Variants in NCAM2 observed in about 807,000 individuals in gnomAD.
The protein encoded by NCAM2 is N-CAM-2.
A neutral mutation model predicts 98.1 loss-of-function variants in NCAM2; 30 were observed. The observed-to-expected ratio is 0.31, with a 90% confidence interval of 0.23 to 0.41. NCAM2 has a LOEUF of 0.41. Ranked by LOEUF, NCAM2 falls within the 10% of genes least tolerant of loss-of-function variation. The pLI is 1.00. For missense variants in NCAM2, 867 were observed against 1,005.8 expected, an observed-to-expected ratio of 0.86 and a Z score of 1.87; for synonymous variants, 368 against 342.4, an observed-to-expected ratio of 1.07 and a Z score of -0.83.
intron 1 of NCAM2, among the ~76,000 whole-genome samples, chr21:21,264,969 A>ATC (rs1272515721): frequency 7.7e-6 from 1 of 129,672 alleles, no homozygotes; most frequent in Non-Finnish European, 1.6e-5. Context: ...GTGTATATAT[A>ATC]CACATATATA....
intron 8 of NCAM2, among the ~76,000 whole-genome samples, chr21:21,368,234 T>G (rs2075833210): frequency 6.6e-6 from 1 of 151,970 alleles, no homozygotes; most frequent in South Asian, 2.1e-4. Flanking sequence ...GATAACATTT[T>G]ATACCTAAAG....
chr21:21,104,603 G>A (rs1437166825), intron 1 of NCAM2, among the ~76,000 whole-genome samples: 1 of 151,948 alleles, frequency 6.6e-6, no homozygotes, highest in Non-Finnish European at 1.5e-5. Context: ...TTCGAAGAGG[G>A]TGCATTTAAG....
rs148248108 is a variant in NCAM2, at chr21:21,292,802, C to G, written c.619+561C>G. The stretch of plus-strand genomic sequence containing the variant: ...ACAGTTATCTTGGCTGTCTCCTGTA[C>G]TAGCCCATTTTCACACTGCTATAAA... On this transcript the variant is annotated intron_variant, in intron 5 of 17. Coordinates refer to ENST00000400546, the MANE Select transcript of NCAM2 (RefSeq NM_004540.5). Among the ~76,000 whole-genome samples the G allele has an allele frequency of 2.0e-3, 301 of 151,932 alleles. 5 individuals are homozygous for G. The highest frequency in any genetic ancestry group is 5.5e-4 in the Non-Finnish European group (37 of 67,888).
intron 5 of NCAM2, among the ~76,000 whole-genome samples, chr21:21,302,894 T>C (rs529693108): frequency 6.6e-6 from 1 of 152,250 alleles, no homozygotes; most frequent in Admixed American, 6.5e-5. Context: ...ATGTATTACA[T>C]ATGCAACATG....
chr21:21,226,035 C>T (rs544446429), intron 1 of NCAM2, among the ~76,000 whole-genome samples: 4 of 152,064 alleles, frequency 2.6e-5, no homozygotes, highest in East Asian at 1.9e-4. Context: ...AGGCCATTTT[C>T]GTAAGCAAAT....
chr21:21,355,411 G>C (rs1300632688), intron 8 of NCAM2, among the ~76,000 whole-genome samples: 1 of 142,996 alleles, frequency 7.0e-6, no homozygotes, highest in South Asian at 2.3e-4. Flanking sequence ...GCAGGGAGCC[G>C]AGGTCCTGCC....
intron 1 of NCAM2, among the ~76,000 whole-genome samples, chr21:21,272,604 C>T (rs1226837703): frequency 6.6e-6 from 1 of 151,676 alleles, no homozygotes; most frequent in Non-Finnish European, 1.5e-5. Context: ...CTAGAGCAGC[C>T]TAGCAATGGG....
intron 15 of NCAM2, among the ~76,000 whole-genome samples, chr21:21,485,993 C>G (rs1473717402): frequency 6.6e-6 from 1 of 151,932 alleles, no homozygotes; most frequent in Non-Finnish European, 1.5e-5. Context: ...CAGAAGCAAC[C>G]CATCAACCGA....
At chr21:21,475,687 A>G (rs569538377) in intron 14 of NCAM2, among the ~76,000 whole-genome samples, 1 of 152,280 alleles carries the variant, frequency 6.6e-6, no homozygotes, top group South Asian at 2.1e-4. Context: ...ATAAAAACAG[A>G]TATTCCTGAG....
intron 1 of NCAM2, among the ~76,000 whole-genome samples, chr21:21,125,714 T>TGTAGAGAGAG (rs1555887736): frequency 7.4e-6 from 1 of 134,404 alleles, no homozygotes; most frequent in African/African-American, 2.7e-5. Context: ...TATATATATA[T>TGTAGAGAGAG]AGAGAGAGAG....
intron 1 of NCAM2, among the ~76,000 whole-genome samples, chr21:21,043,964 T>C (rs1196147570): frequency 6.6e-6 from 1 of 152,084 alleles, no homozygotes; most frequent in Non-Finnish European, 1.5e-5. Context: ...ACTGGAATAC[T>C]CCAAATCAAG....
intron 8 of NCAM2, among the ~76,000 whole-genome samples, chr21:21,365,463 G>C (rs767111023): frequency 2.6e-5 from 4 of 151,522 alleles, no homozygotes; most frequent in Non-Finnish European, 5.9e-5. Context: ...ATACATAAAG[G>C]AATACAAAAC....
chr21:21,056,475 G>A (rs73218302), intron 1 of NCAM2, among the ~76,000 whole-genome samples: 9,017 of 144,436 alleles, frequency 0.062, 287 homozygotes, highest in East Asian at 0.1. Flanking sequence ...TTTAGAGCAA[G>A]TGACAGAGAT....
intron 1 of NCAM2, among the ~76,000 whole-genome samples, chr21:21,167,733 A>G (rs1420094888): frequency 6.6e-6 from 1 of 152,202 alleles, no homozygotes; most frequent in African/African-American, 2.4e-5. Flanking sequence ...GAACACACCA[A>G]TTCCTTGAAT....
chr21:21,536,632 C>A (rs773455737), intron 17 of NCAM2, among the ~76,000 whole-genome samples: 1 of 152,016 alleles, frequency 6.6e-6, no homozygotes. Flanking sequence ...TCATGTGATC[C>A]GCCCGCCTTG....
chr21:21,017,493 T>A (rs2064337008), intron 1 of NCAM2, among the ~76,000 whole-genome samples: 2 of 148,284 alleles, frequency 1.3e-5, no homozygotes, highest in Non-Finnish European at 3.0e-5. Flanking sequence ...GGAGAAGTTG[T>A]AACTAAGAGT....
At chr21:21,489,672 T>A (rs866692630) in intron 15 of NCAM2, among the ~76,000 whole-genome samples, 1 of 152,290 alleles carries the variant, frequency 6.6e-6, no homozygotes, top group Middle Eastern at 3.4e-3. Context: ...CTACAAATTG[T>A]CTTTAAAATG....
At chr21:21,403,063 AT>A (rs1368000454) in intron 9 of NCAM2, among the ~76,000 whole-genome samples, 2 of 152,062 alleles carry the variant, frequency 1.3e-5, no homozygotes, top group Non-Finnish European at 2.9e-5. Flanking sequence ...GATGTGGAAC[AT>A]TTTTTAAAAT....
chr21:21,002,137 T>C (rs1055523875), intron 1 of NCAM2, among the ~76,000 whole-genome samples: 1 of 152,170 alleles, frequency 6.6e-6, no homozygotes, highest in Non-Finnish European at 1.5e-5. Context: ...AAGGCTAATG[T>C]AAATTAATAT....
Sources: allele counts gnomAD v4.1 joint callset (sites outside exome capture counted in the v4.1 genomes callset), GRCh38; gene constraint gnomAD v4.1.1; transcripts MANE v1.5; gene names NCBI Gene and HGNC (gene_info 2026-07-23, HGNC 2026-07-21).